DMD: variants seen among roughly 807,000 people sequenced by gnomAD.
The protein encoded by DMD is mutant dystrophin.
Under a neutral mutation model 330.1 loss-of-function variants are expected in DMD, and 63 were observed. The observed-to-expected ratio is 0.19, with a 90% CI of 0.16 to 0.24. DMD has a LOEUF of 0.24. Among genes scored for constraint, DMD ranks in the 10% least tolerant of loss-of-function variants. The pLI is 1.00. For synonymous variants in DMD, 1,223 were observed against 959.8 expected (o/e 1.27, Z -5.07); for missense variants, 3,344 against 2,684.1 (o/e 1.25, Z -5.43).
chrX:32,785,267 AAAC>A (rs2075252218), intron 7 of DMD, among the ~76,000 whole-genome samples: 1 of 110,835 alleles, frequency 9.0e-6, no homozygotes, highest in African/African-American at 3.3e-5. Flanking sequence ...ACATTAGCTA[AAAC>A]AATAGTGCTC....
chrX:32,454,324 A>C (rs2098346202), intron 26 of DMD, among the ~76,000 whole-genome samples: 1 of 111,204 alleles, frequency 9.0e-6, no homozygotes. Context: ...TTTCAAGAAT[A>C]CTTTTGCACA....
chrX:31,574,742 C>T (rs1467452513), intron 55 of DMD, among the ~76,000 whole-genome samples: 1 of 111,228 alleles, frequency 9.0e-6, no homozygotes, highest in East Asian at 2.8e-4. Flanking sequence ...TTTGATGTCT[C>T]TTCTTTTTTC....
intron 63 of DMD, among the ~76,000 whole-genome samples, chrX:31,239,966 T>C (rs886520863): frequency 1.8e-5 from 2 of 112,119 alleles, no homozygotes; most frequent in African/African-American, 3.2e-5. Context: ...TCTGTACTTC[T>C]GATGATCAGC....
intron 55 of DMD, among the ~76,000 whole-genome samples, chrX:31,626,230 C>G (rs1472431835): frequency 9.0e-6 from 1 of 111,331 alleles, no homozygotes; most frequent in Admixed American, 9.6e-5. Flanking sequence ...GGTGATCCAC[C>G]CACCTCGGCC....
At chrX:31,610,655 G>A (rs2077861659) in intron 55 of DMD, among the ~76,000 whole-genome samples, 1 of 112,055 alleles carries the variant, frequency 8.9e-6, no homozygotes, top group Non-Finnish European at 1.9e-5. Flanking sequence ...CCTAAATCAA[G>A]ACTGAGACAT....
chrX:32,824,000 G>A (rs760413021), intron 4 of DMD, among the ~76,000 whole-genome samples: 2 of 111,976 alleles, frequency 1.8e-5, no homozygotes, highest in Admixed American at 9.5e-5. Context: ...GCAAGCATAT[G>A]AAAAGATGTT....
intron 1 of DMD, among the ~76,000 whole-genome samples, chrX:33,152,012 TGAAAA>T (rs1276003280): frequency 2.6e-3 from 294 of 112,088 alleles, no homozygotes; most frequent in African/African-American, 9.1e-3. Flanking sequence ...AATAGAATTT[TGAAAA>T]AAGTAATCAA....
chrX:32,754,100 A>G (rs747232329), intron 7 of DMD, among the ~76,000 whole-genome samples: 1 of 111,908 alleles, frequency 8.9e-6, no homozygotes, highest in East Asian at 2.8e-4. Context: ...AACCTGTGGT[A>G]GCTTACTAAT....
At chrX:33,215,860 C>G (rs2052043704), upstream of DMD, among the ~76,000 whole-genome samples, 1 of 111,584 alleles carries the variant, frequency 9.0e-6, no homozygotes, top group African/African-American at 3.3e-5. Context: ...TCTGGGTTCA[C>G]TATTCTGTTC....
intron 2 of DMD, among the ~76,000 whole-genome samples, chrX:32,880,882 T>C (rs1455705636): frequency 1.8e-5 from 2 of 112,418 alleles, no homozygotes; most frequent in Non-Finnish European, 3.8e-5. Context: ...AGGCGGAGGT[T>C]GCGGTGAGCC....
chrX:32,990,804 T>C (rs1296938087), intron 2 of DMD, among the ~76,000 whole-genome samples: 1 of 111,458 alleles, frequency 9.0e-6, no homozygotes, highest in Non-Finnish European at 1.9e-5. Context: ...TACCAAAAAG[T>C]ATTCACACAA....
chrX:33,139,650 C>T (rs905493701), intron 1 of DMD, among the ~76,000 whole-genome samples: 1 of 109,494 alleles, frequency 9.1e-6, no homozygotes, highest in African/African-American at 3.3e-5. Context: ...CTCTCTCTCT[C>T]ATGTTCCTGC....
intron 41 of DMD, 97 bp downstream of exon 41, chrX:32,342,003 T>A: frequency 1.1e-6 from 1 of 893,758 alleles, no homozygotes; most frequent in Non-Finnish European, 1.6e-6. Flanking sequence ...TTTAAAACTG[T>A]ACCCAGATTT....
At chrX:31,897,840 T>A in intron 47 of DMD, among the ~76,000 whole-genome samples, 1 of 109,522 alleles carries the variant, frequency 9.1e-6, no homozygotes, top group East Asian at 2.9e-4. Flanking sequence ...ATCAGATGAG[T>A]AGGTTGCGAA....
intron 7 of DMD, among the ~76,000 whole-genome samples, chrX:32,738,669 T>G (rs750522230): frequency 1.1e-4 from 12 of 112,114 alleles, no homozygotes; most frequent in Non-Finnish European, 2.1e-4. Flanking sequence ...GACTGAAAAC[T>G]TCTTCTACAT....
At chrX:32,733,118 C>A (rs1338340909) in intron 7 of DMD, among the ~76,000 whole-genome samples, 1 of 108,122 alleles carries the variant, frequency 9.2e-6, no homozygotes, top group African/African-American at 3.5e-5. Flanking sequence ...CAATCCTAGT[C>A]TCTGATAAAA....
At chrX:32,942,804 C>A (rs1000771611) in intron 2 of DMD, among the ~76,000 whole-genome samples, 1 of 111,260 alleles carries the variant, frequency 9.0e-6, no homozygotes, top group Non-Finnish European at 1.9e-5. Flanking sequence ...GAATGCAACT[C>A]AACATAAAAT....
At chrX:31,690,252 A>T (rs1328125027) in intron 52 of DMD, among the ~76,000 whole-genome samples, 1 of 112,263 alleles carries the variant, frequency 8.9e-6, no homozygotes, top group Non-Finnish European at 1.9e-5. Flanking sequence ...GAATCTACAA[A>T]GAACTCAAAC....
intron 60 of DMD, among the ~76,000 whole-genome samples, chrX:31,436,469 C>CAA (rs199950204): frequency 0.01 from 1,049 of 101,005 alleles, 11 homozygotes; most frequent in African/African-American, 0.033. Flanking sequence ...CTGATGCCTT[C>CAA]AAAAAAAAAA....
Sources: allele counts gnomAD v4.1 joint callset (sites outside exome capture counted in the v4.1 genomes callset), GRCh38; gene constraint gnomAD v4.1.1; transcripts MANE v1.5; gene names NCBI Gene and HGNC (gene_info 2026-07-23, HGNC 2026-07-21).